NF1: variants seen among roughly 807,000 people sequenced by gnomAD.
NF1 encodes neurofibromin.
NF1 carries 122 observed loss-of-function variants against 325.7 expected under a neutral mutation model. That is an observed-to-expected ratio of 0.37 (90% CI 0.32 to 0.44). The LOEUF is 0.44. Among genes scored for constraint, NF1 ranks in the 20% least tolerant of loss-of-function variants. NF1 has a pLI of 1.00. For synonymous variants in NF1, 1,091 were observed against 1,186.0 expected, an observed-to-expected ratio of 0.92 and a Z score of 1.65; for missense variants, 2,140 against 3,415.4, an observed-to-expected ratio of 0.63 and a Z score of 9.31.
At chr17:31,123,207 A>G (rs184182984) in intron 1 of NF1, among the ~76,000 whole-genome samples, 23 of 152,276 alleles carry the variant, frequency 1.5e-4, no homozygotes, top group Middle Eastern at 3.4e-3. Context: ...TAGTTTGTCA[A>G]TTGTGCTAGG....
intron 11 of NF1, among the ~76,000 whole-genome samples, chr17:31,206,027 C>T (rs757049622): frequency 6.6e-6 from 1 of 151,984 alleles, no homozygotes; most frequent in African/African-American, 2.4e-5. Context: ...CAATTTGTCT[C>T]ATGCTCACTA....
In NF1 at chr17:31,232,178, G is replaced by A. The variant is rs876659944; in HGVS notation, c.3303G>A (p.Gln1101=). The change falls in exon 25 of 58, where the codon CAG becomes CAA. Residue 1101 remains glutamine (Q), a synonymous_variant. Coordinates refer to ENST00000358273, the MANE Select transcript of NF1 (RefSeq NM_001042492.3). ...TGGAATTGATGGAAGCCAAATCACAGTTATTTCTTAAGTAAATTTCAGTCA... is the reference window on the plus strand; with the variant it reads ...TGGAATTGATGGAAGCCAAATCACAATTATTTCTTAAGTAAATTTCAGTCA... ...DGVELMEAKS[Q]LFLKYFTLFM... The A allele has an allele frequency of 1.0e-5, 16 of 1,598,520 alleles. No homozygotes were observed. Among genetic ancestry groups the A allele is most frequent in the Admixed American group, 1.7e-5 (1 of 59,338 alleles).
intron 16 of NF1, among the ~76,000 whole-genome samples, chr17:31,224,446 A>G (rs2066978532): frequency 6.6e-6 from 1 of 152,150 alleles, no homozygotes; most frequent in African/African-American, 2.4e-5. Flanking sequence ...GTCTCTTTAG[A>G]AATAGACTAA....
intron 36 of NF1, among the ~76,000 whole-genome samples, chr17:31,301,663 G>C (rs190655485): frequency 6.6e-6 from 1 of 152,272 alleles, no homozygotes; most frequent in Non-Finnish European, 1.5e-5. Context: ...TCCTATATTA[G>C]TGAAAAGAGT....
At chr17:31,170,189 A>G (rs530778549) in intron 5 of NF1, among the ~76,000 whole-genome samples, 192 bp downstream of exon 5, 2 of 152,304 alleles carry the variant, frequency 1.3e-5, no homozygotes, top group South Asian at 4.1e-4. Context: ...CAGTAGAGAA[A>G]ATGAGCATTT....
At chr17:31,183,434 AT>A (rs2066174679) in intron 8 of NF1, 1 of 152,272 alleles carries the variant, frequency 6.6e-6, no homozygotes, top group Non-Finnish European at 1.5e-5. Flanking sequence ...TGGACCGGGA[AT>A]TTATACATTA....
intron 36 of NF1, chr17:31,304,077 G>A (rs542835423): frequency 1.9e-6 from 1 of 530,048 alleles, no homozygotes; most frequent in African/African-American, 1.9e-5. Flanking sequence ...TTAGTAAATA[G>A]ATTACTGTTA....
At chr17:31,330,183 A>G (rs2069444786) in intron 38 of NF1, 113 bp from the exon 39 acceptor site, 1 of 899,790 alleles carries the variant, frequency 1.1e-6, no homozygotes, top group African/African-American at 1.7e-5. Flanking sequence ...CATAAAATTT[A>G]AAAATAGTTG....
At chr17:31,146,781 G>C (rs964096022) in intron 1 of NF1, among the ~76,000 whole-genome samples, 5 of 152,220 alleles carry the variant, frequency 3.3e-5, no homozygotes, top group South Asian at 4.1e-4. Context: ...CTTCTGAGTT[G>C]CCCAGAATTG....
intron 24 of NF1, among the ~76,000 whole-genome samples, chr17:31,231,223 A>G (rs1891422053): frequency 6.6e-6 from 1 of 152,198 alleles, no homozygotes; most frequent in African/African-American, 2.4e-5. Flanking sequence ...CATTTGTGTT[A>G]TGATTAGATA....
chr17:31,160,327 A>G (rs1203045817), intron 3 of NF1, among the ~76,000 whole-genome samples: 1 of 152,144 alleles, frequency 6.6e-6, no homozygotes, highest in Non-Finnish European at 1.5e-5. Context: ...TCCTCAAGTG[A>G]TCCGCCCATT....
At chr17:31,148,763 C>A (rs1048633137) in intron 1 of NF1, among the ~76,000 whole-genome samples, 4 of 151,968 alleles carry the variant, frequency 2.6e-5, no homozygotes, top group African/African-American at 9.7e-5. Context: ...TCTCTTTATA[C>A]CATTAAATAA....
Position 31,331,694 on chromosome 17 carries a change from A to G in NF1, c.5812+1196A>G, listed in dbSNP as rs971270239. The stretch of plus-strand genomic sequence containing the variant: ...AATTAGGTCTTCGTCTTCACCGTAC[A>G]CCATAAGATACCAAGTATGTTCTGC... On this transcript the variant is annotated intron_variant, in intron 39 of 57. Transcript: ENST00000358273. 11 of 152,066 alleles carry G rather than the reference A, an allele frequency of 7.2e-5. 1 individual carries two copies. The highest frequency in any genetic ancestry group is 2.7e-4 in the African/African-American group (11 of 41,502). The allele number at this position is 152,066 out of a possible 1,614,324, so 9.4% of individuals were successfully genotyped here. A position where few individuals can be genotyped will look rare whatever the true frequency, so the allele number is the denominator to read the frequency against.
chr17:31,292,235 GGTATGT>G (rs906974226), intron 36 of NF1, among the ~76,000 whole-genome samples: 29 of 152,212 alleles, frequency 1.9e-4, no homozygotes, highest in Admixed American at 1.6e-3. Flanking sequence ...TGTGTATATA[GGTATGT>G]GTATATCTGT....
chr17:31,112,248 C>T (rs1385618602), intron 1 of NF1, among the ~76,000 whole-genome samples: 3 of 152,054 alleles, frequency 2.0e-5, no homozygotes, highest in African/African-American at 7.2e-5. Flanking sequence ...CTTGAAGATT[C>T]ATATACATGA....
intron 29 of NF1, among the ~76,000 whole-genome samples, chr17:31,238,070 A>G (rs2067233401): frequency 6.6e-6 from 1 of 152,174 alleles, no homozygotes; most frequent in Non-Finnish European, 1.5e-5. Context: ...TTACCAGGAG[A>G]AGAAGCTGCT....
chr17:31,347,061 T>C (rs2070012288), intron 48 of NF1, among the ~76,000 whole-genome samples: 1 of 151,554 alleles, frequency 6.6e-6, no homozygotes, highest in Admixed American at 6.6e-5. Flanking sequence ...GGGAACCCCC[T>C]AAAGTCTTTT....
At chr17:31,144,170 C>T (rs889025797) in intron 1 of NF1, among the ~76,000 whole-genome samples, 3 of 152,140 alleles carry the variant, frequency 2.0e-5, no homozygotes, top group South Asian at 2.1e-4. Flanking sequence ...CAAGTTTATT[C>T]TTCCAAATTA....
chr17:31,367,498 C>T (rs541297453), intron 57 of NF1, among the ~76,000 whole-genome samples: 2 of 152,166 alleles, frequency 1.3e-5, no homozygotes, highest in African/African-American at 4.8e-5. Context: ...TAATACCCAC[C>T]CAGAACAATG....
Sources: allele counts gnomAD v4.1 joint callset (sites outside exome capture counted in the v4.1 genomes callset), GRCh38; gene constraint gnomAD v4.1.1; transcripts MANE v1.5; gene names NCBI Gene and HGNC (gene_info 2026-07-23, HGNC 2026-07-21).